Variants in ZBTB8A observed in about 807,000 individuals in gnomAD.
The protein encoded by ZBTB8A is zinc finger and BTB domain containing 8A.
A neutral mutation model predicts 37.8 loss-of-function variants in ZBTB8A; 19 were observed. The ratio of observed to expected loss-of-function variants is 0.50; its 90% CI spans 0.35 to 0.74. The LOEUF is 0.74. Among genes scored for constraint, ZBTB8A ranks in the 30% least tolerant of loss-of-function variants. The pLI is 0.01. For missense variants in ZBTB8A, 394 were observed against 537.8 expected (o/e 0.73, Z 2.65); for synonymous variants, 181 against 185.2 (o/e 0.98, Z 0.19).
At chr1:32,591,645 G>A (rs929273313) in intron 2 of ZBTB8A, among the ~76,000 whole-genome samples, 1 of 152,070 alleles carries the variant, frequency 6.6e-6, no homozygotes, top group African/African-American at 2.4e-5. Context: ...GGATGCAGTG[G>A]CTCATGCCTG....
chr1:32,550,867 G>C (rs973731517), intron 1 of ZBTB8A, among the ~76,000 whole-genome samples: 1 of 144,280 alleles, frequency 6.9e-6, no homozygotes. Context: ...TGAGGCAGGA[G>C]AATCGCTTGA....
intron 1 of ZBTB8A, among the ~76,000 whole-genome samples, chr1:32,552,453 C>T (rs1644164239): frequency 1.3e-5 from 2 of 152,080 alleles, no homozygotes; most frequent in Non-Finnish European, 2.9e-5. Flanking sequence ...TGAGGTCGGT[C>T]AGGATTTCGA....
chr1:32,570,907 GCT>G (rs1451918004), intron 2 of ZBTB8A, among the ~76,000 whole-genome samples: 1 of 148,330 alleles, frequency 6.7e-6, no homozygotes, highest in Non-Finnish European at 1.5e-5. Context: ...ACTGAGTCTC[GCT>G]CTGTCACCCA....
intron 4 of ZBTB8A, among the ~76,000 whole-genome samples, chr1:32,599,617 T>C (rs1406214528): frequency 6.6e-6 from 1 of 151,982 alleles, no homozygotes; most frequent in East Asian, 1.9e-4. Flanking sequence ...CTCAGGAGGC[T>C]GAGGCAGGAG....
chr1:32,563,302 C>T lies in ZBTB8A; in HGVS notation c.-2+9762C>T, dbSNP rs1366877720. Among the ~76,000 whole-genome samples the T allele has an allele frequency of 3.3e-5, 5 of 152,034 alleles. 1 individual carries two copies. The highest frequency in any genetic ancestry group is 7.2e-5 in the African/African-American group (3 of 41,410). On this transcript the variant is annotated intron_variant, in intron 2 of 4. Coordinates refer to ENST00000373510, the MANE Select transcript of ZBTB8A (RefSeq NM_001040441.3). Reference sequence around the variant, plus strand: ...ATCCCAGCAGTTTGGGAGGCCAAGGCGGGAGGATCCCGTGGGCCCAGGAGT... The same window carrying T: ...ATCCCAGCAGTTTGGGAGGCCAAGGTGGGAGGATCCCGTGGGCCCAGGAGT...
intron 2 of ZBTB8A, among the ~76,000 whole-genome samples, chr1:32,558,464 CA>C (rs925452531): frequency 1.1e-4 from 16 of 151,876 alleles, no homozygotes; most frequent in African/African-American, 3.6e-4. Flanking sequence ...CACACACACA[CA>C]CACACACACA....
At chr1:32,583,943 C>G (rs558006781) in intron 2 of ZBTB8A, among the ~76,000 whole-genome samples, 14 of 152,002 alleles carry the variant, frequency 9.2e-5, no homozygotes, top group Non-Finnish European at 1.9e-4. Context: ...AGGGTTTTAC[C>G]ATGTTGAGCT....
chr1:32,557,189 C>T (rs1644209979), intron 2 of ZBTB8A, among the ~76,000 whole-genome samples: 1 of 151,934 alleles, frequency 6.6e-6, no homozygotes, highest in Non-Finnish European at 1.5e-5. Flanking sequence ...GTAGTCCCAG[C>T]TACTTGGGAA....
chr1:32,570,821 T>C (rs917634704), intron 2 of ZBTB8A, among the ~76,000 whole-genome samples: 1 of 152,164 alleles, frequency 6.6e-6, no homozygotes, highest in Non-Finnish European at 1.5e-5. Context: ...TACATAATTG[T>C]GTCATCTATA....
chr1:32,562,193 C>T (rs1322704707), intron 2 of ZBTB8A, among the ~76,000 whole-genome samples: 1 of 149,960 alleles, frequency 6.7e-6, no homozygotes, highest in East Asian at 2.0e-4. Flanking sequence ...TGGGCTCAAA[C>T]AATCCTTCTA....
chr1:32,564,624 C>T (rs952103061), intron 2 of ZBTB8A, among the ~76,000 whole-genome samples: 2 of 151,834 alleles, frequency 1.3e-5, no homozygotes, highest in African/African-American at 4.8e-5. Flanking sequence ...ACCAAAATAC[C>T]AAATAATTAA....
chr1:32,543,598 C>T (rs559400711), intron 1 of ZBTB8A, among the ~76,000 whole-genome samples: 1 of 152,260 alleles, frequency 6.6e-6, no homozygotes, highest in African/African-American at 2.4e-5. Flanking sequence ...CTATGTGGAT[C>T]TACCCATTCT....
In ZBTB8A at chr1:32,546,566, C is replaced by T. The variant is rs533824529; in HGVS notation, c.-83-6893C>T. 4.6e-5 allele frequency among the ~76,000 whole-genome samples: 7 copies of T among 151,758 alleles called. No homozygotes were observed. In the South Asian group the frequency reaches 6.2e-4, roughly 14 times the overall value. ...GACTGAAGCAGGATCACTTGAGCCC[C>T]GGAGGCCAAGGCTGCAGTGAGCCAA... On this transcript the variant is annotated intron_variant, in intron 1 of 4. Transcript: ENST00000373510.
intron 2 of ZBTB8A, among the ~76,000 whole-genome samples, chr1:32,559,246 G>T (rs1644225811): frequency 6.6e-6 from 1 of 151,896 alleles, no homozygotes; most frequent in Admixed American, 6.6e-5. Context: ...CTAGTAGCTG[G>T]AATTACAGGC....
At chr1:32,589,170 G>C (rs1644469906) in intron 2 of ZBTB8A, among the ~76,000 whole-genome samples, 1 of 152,062 alleles carries the variant, frequency 6.6e-6, no homozygotes, top group South Asian at 2.1e-4. Context: ...GTGAAATCAA[G>C]GGGAGGATTT....
chr1:32,597,503 G>A (rs1396483531), intron 4 of ZBTB8A, among the ~76,000 whole-genome samples: 2 of 152,208 alleles, frequency 1.3e-5, no homozygotes, highest in East Asian at 3.9e-4. Flanking sequence ...CTCCAAAAGA[G>A]GCCTAGACTC....
At chr1:32,596,829 A>T (rs972094459) in intron 4 of ZBTB8A, among the ~76,000 whole-genome samples, 7 of 152,180 alleles carry the variant, frequency 4.6e-5, no homozygotes, top group Non-Finnish European at 1.0e-4. Flanking sequence ...ATGTTTTTAT[A>T]TACTGGTCTG....
At chr1:32,598,325 C>T (rs1043251860) in intron 4 of ZBTB8A, among the ~76,000 whole-genome samples, 22 of 149,080 alleles carry the variant, frequency 1.5e-4, no homozygotes, top group Middle Eastern at 3.5e-3. Context: ...CTCCGCCTCC[C>T]GGGCTCAAGT....
At chr1:32,569,742 GC>G (rs1289579222) in intron 2 of ZBTB8A, among the ~76,000 whole-genome samples, 2 of 150,070 alleles carry the variant, frequency 1.3e-5, no homozygotes, top group African/African-American at 4.9e-5. Flanking sequence ...TTTTGATAAA[GC>G]CATTTGTCAA....
Sources: gnomAD v4.1 joint callset for allele counts (sites outside exome capture counted in the v4.1 genomes callset) on GRCh38, gnomAD v4.1.1 for gene constraint, MANE v1.5 for transcripts, NCBI Gene and HGNC (gene_info 2026-07-23, HGNC 2026-07-21) for gene names.